The following LRRC37A2 variants were observed in gnomAD, a reference collection of about 807,000 sequenced individuals.
LRRC37A2 encodes leucine rich repeat containing 37 member A2, also known as leucine-rich repeat-containing protein 37A2.
A neutral mutation model predicts 68.8 loss-of-function variants in LRRC37A2; 9 were observed. The ratio of observed to expected loss-of-function variants is 0.13; its 90% confidence interval spans 0.08 to 0.23. The LOEUF is 0.23. Among genes scored for constraint, LRRC37A2 ranks in the 10% least tolerant of loss-of-function variants. The pLI is 1.00. For missense variants in LRRC37A2, 168 were observed against 950.4 expected, an observed-to-expected ratio of 0.18 and a Z score of 10.82; for synonymous variants, 63 against 367.6, an observed-to-expected ratio of 0.17 and a Z score of 9.48.
the LRRC37A2 span, among the ~76,000 whole-genome samples, chr17:46,969,616 A>G: frequency 0.45 from 67,744 of 152,132 alleles, 15,335 homozygotes; most frequent in South Asian, 0.52. Context: ...ATGAGCAGGT[A>G]TAGACAGCAG....
chr17:46,845,377 G>A, the LRRC37A2 span, among the ~76,000 whole-genome samples: 6 of 152,174 alleles, frequency 3.9e-5, no homozygotes, highest in East Asian at 1.2e-3. Flanking sequence ...CCAGGGCTGG[G>A]GTGGGGGTTA....
the LRRC37A2 span, among the ~76,000 whole-genome samples, chr17:46,984,512 G>C: frequency 1.3e-5 from 2 of 152,218 alleles, no homozygotes; most frequent in African/African-American, 4.8e-5. Flanking sequence ...TCAGGGACAA[G>C]TCTGCATTTC....
chr17:46,532,908 C>T (rs1370516191), intron 6 of LRRC37A2, among the ~76,000 whole-genome samples: 2 of 146,622 alleles, frequency 1.4e-5, no homozygotes, highest in African/African-American at 5.3e-5. Flanking sequence ...CGAGGCCAGC[C>T]AGGGCAACAT....
the LRRC37A2 span, among the ~76,000 whole-genome samples, chr17:46,795,124 C>G: frequency 6.6e-6 from 1 of 152,092 alleles, no homozygotes; most frequent in African/African-American, 2.4e-5. Context: ...TCTGAGCCAC[C>G]ATTTTGGCCC....
At chr17:46,969,302 G>GC in the LRRC37A2 span, among the ~76,000 whole-genome samples, 1 of 152,226 alleles carries the variant, frequency 6.6e-6, no homozygotes, top group East Asian at 1.9e-4. Context: ...TGGTCCTTGT[G>GC]CCCCCTGGGG....
At chr17:46,896,769 T>A in the LRRC37A2 span, among the ~76,000 whole-genome samples, 1 of 152,184 alleles carries the variant, frequency 6.6e-6, no homozygotes, top group Non-Finnish European at 1.5e-5. Flanking sequence ...CACAAGGCAG[T>A]CCTTGCCACT....
the LRRC37A2 span, among the ~76,000 whole-genome samples, chr17:46,806,862 G>T: frequency 6.6e-6 from 1 of 152,252 alleles, no homozygotes; most frequent in African/African-American, 2.4e-5. Flanking sequence ...CATCTGCAGA[G>T]TGGGGCTTGG....
the LRRC37A2 span, among the ~76,000 whole-genome samples, chr17:46,859,258 G>A: frequency 1.0e-3 from 153 of 152,334 alleles, no homozygotes; most frequent in African/African-American, 3.4e-3. Context: ...TTACAGGCGT[G>A]AGCCACCACA....
At chr17:46,806,678 G>A in the LRRC37A2 span, among the ~76,000 whole-genome samples, 1 of 152,268 alleles carries the variant, frequency 6.6e-6, no homozygotes, top group Non-Finnish European at 1.5e-5. Context: ...CACCCAGCCT[G>A]AGGCTAGACA....
the LRRC37A2 span, among the ~76,000 whole-genome samples, chr17:46,914,283 C>T: frequency 1.3e-5 from 2 of 151,866 alleles, no homozygotes; most frequent in South Asian, 2.1e-4. Flanking sequence ...TCCGAAAGTG[C>T]GCTGGGAAGG....
chr17:46,784,921 A>G, the LRRC37A2 span, among the ~76,000 whole-genome samples: 60 of 151,254 alleles, frequency 4.0e-4, no homozygotes, highest in East Asian at 1.8e-3. Flanking sequence ...GACTACAGGC[A>G]CCCGCCACCA....
the LRRC37A2 span, among the ~76,000 whole-genome samples, chr17:46,764,892 C>G: frequency 4.2e-4 from 64 of 152,324 alleles, no homozygotes; most frequent in East Asian, 0.012. Flanking sequence ...GGGCCTTGGG[C>G]AACAGGAAGC....
the LRRC37A2 span, among the ~76,000 whole-genome samples, chr17:46,719,163 C>CATTT: frequency 2.0e-5 from 3 of 152,124 alleles, no homozygotes; most frequent in African/African-American, 7.2e-5. The surrounding 1 kb of genome is among the most constrained non-coding windows in gnomAD (Gnocchi z 4.3). Context: ...ATTTCAATGA[C>CATTT]TAAATGCTCA....
the LRRC37A2 span, among the ~76,000 whole-genome samples, chr17:46,950,635 C>T: frequency 0.45 from 67,636 of 151,896 alleles, 15,303 homozygotes; most frequent in South Asian, 0.52. Flanking sequence ...GGGAGATGAC[C>T]CCGAGCAGCA....
chr17:46,891,786 G>A, the LRRC37A2 span, among the ~76,000 whole-genome samples: 3 of 152,134 alleles, frequency 2.0e-5, no homozygotes, highest in Non-Finnish European at 2.9e-5. Flanking sequence ...CCCTCTGCAG[G>A]GGCTTCAGGA....
the LRRC37A2 span, among the ~76,000 whole-genome samples, chr17:46,739,759 C>T: frequency 2.0e-5 from 3 of 151,390 alleles, no homozygotes; most frequent in Non-Finnish European, 2.9e-5. Flanking sequence ...AGTGCAGTGG[C>T]GCGATCTCAA....
chr17:46,950,672 C>G, the LRRC37A2 span, among the ~76,000 whole-genome samples: 1 of 152,144 alleles, frequency 6.6e-6, no homozygotes, highest in Non-Finnish European at 1.5e-5. Context: ...GGCTGCCCCA[C>G]CATCCTGCCT....
the LRRC37A2 span, among the ~76,000 whole-genome samples, chr17:46,498,903 A>C: frequency 2.6e-4 from 40 of 150,986 alleles, no homozygotes; most frequent in Admixed American, 1.3e-3. Flanking sequence ...CTACATATAT[A>C]TACATATATA....
At chr17:47,021,114 T>C in the LRRC37A2 span, among the ~76,000 whole-genome samples, 2 of 152,330 alleles carry the variant, frequency 1.3e-5, no homozygotes, top group Non-Finnish European at 2.9e-5. Flanking sequence ...AAAACCTTGA[T>C]TATCAGCTAC....
Sources: allele counts gnomAD v4.1 joint callset (sites outside exome capture counted in the v4.1 genomes callset), GRCh38; gene constraint gnomAD v4.1.1; non-coding constraint Gnocchi (gnomAD v3.1); transcripts MANE v1.5; gene names NCBI Gene and HGNC (gene_info 2026-07-23, HGNC 2026-07-21).